The following SLC35F3 variants were observed in gnomAD, a reference collection of about 807,000 sequenced individuals.
SLC35F3 encodes the protein putative thiamine transporter SLC35F3.
A neutral mutation model predicts 49.9 loss-of-function variants in SLC35F3; 25 were observed. The ratio of observed to expected loss-of-function variants is 0.50; its 90% CI spans 0.37 to 0.70. The LOEUF is 0.70. Among genes scored for constraint, SLC35F3 ranks in the 30% least tolerant of loss-of-function variants. The probability of loss-of-function intolerance (pLI) is 0.00; values close to 1 mark genes in which losing one functional copy is unlikely to be tolerated. For missense variants in SLC35F3, 525 were observed against 639.8 expected, an observed-to-expected ratio of 0.82 and a Z score of 1.94; for synonymous variants, 275 against 265.4, an observed-to-expected ratio of 1.04 and a Z score of -0.35.
At position 234,317,584 on chromosome 1, in the gene SLC35F3, A is replaced by C. The variant is rs561026190; in HGVS notation, c.954+857A>C. 2.0e-5 allele frequency among the ~76,000 whole-genome samples: 3 copies of C among 152,246 alleles called. No individual in the cohort carries two copies. In the South Asian group the frequency reaches 6.2e-4, roughly 32 times the overall value. ...TACTGTAGAGAGTCAAAGAAAAGGCATTTTTTTCCCAGCTCTGTGAGTACC... is the reference window on the plus strand; with the variant it reads ...TACTGTAGAGAGTCAAAGAAAAGGCCTTTTTTTCCCAGCTCTGTGAGTACC... On this transcript the variant is annotated intron_variant, in intron 5 of 7. Transcript: ENST00000366618.
Position 234,193,927 on chromosome 1 carries a change from A to G in SLC35F3, c.284-37490A>G, listed in dbSNP as rs115045082. 3.7e-3 allele frequency among the ~76,000 whole-genome samples: 566 copies of G among 152,328 alleles called. 2 individuals carry two copies. The highest frequency in any genetic ancestry group is 0.013 in the African/African-American group (557 of 41,570). Reference sequence around the variant, plus strand: ...CTTACTCCTGCAAGAATAGCCATAAATCATAAAAGCAAAAAATAATAGATG... The same window carrying G: ...CTTACTCCTGCAAGAATAGCCATAAGTCATAAAAGCAAAAAATAATAGATG... On this transcript the variant is annotated intron_variant, in intron 2 of 7. Transcript: ENST00000366618.
intron 2 of SLC35F3, among the ~76,000 whole-genome samples, chr1:234,128,618 A>G (rs1398171752): frequency 2.6e-5 from 4 of 152,182 alleles, no homozygotes; most frequent in Non-Finnish European, 5.9e-5. Flanking sequence ...AGAGGGGATG[A>G]TAGTTTGAGA....
Position 234,082,077 on chromosome 1 carries a change from A to G in SLC35F3, c.284-149340A>G, listed in dbSNP as rs534704188. Among the ~76,000 whole-genome samples the G allele has an allele frequency of 3.3e-5, 5 of 151,874 alleles. No individual in the cohort carries two copies. In the East Asian group the frequency reaches 9.7e-4, roughly 29 times the overall value. ...GCCCAAATTGGCATCTTTTCTAGCA[A>G]TGCTTTCTGCACTTACTCACTGAGG... On this transcript the variant is annotated intron_variant, in intron 2 of 7. Coordinates refer to ENST00000366618, the MANE Select transcript of SLC35F3 (RefSeq NM_173508.4).
At chr1:233,936,213 G>T (rs76163418) in intron 2 of SLC35F3, among the ~76,000 whole-genome samples, 3,555 of 152,292 alleles carry the variant, frequency 0.023, 81 homozygotes, top group Non-Finnish European at 0.032. Flanking sequence ...CAGGGTTGCA[G>T]GTTAGCCTAG....
intron 2 of SLC35F3, among the ~76,000 whole-genome samples, chr1:234,007,547 C>G (rs1018594932): frequency 2.0e-5 from 3 of 152,152 alleles, no homozygotes; most frequent in Non-Finnish European, 4.4e-5. Flanking sequence ...TTATGCCGAA[C>G]GAAGTGGGGA....
chr1:234,120,968 CTT>C (rs1166607017), intron 2 of SLC35F3, among the ~76,000 whole-genome samples: 13 of 152,024 alleles, frequency 8.6e-5, no homozygotes, highest in Admixed American at 8.5e-4. Flanking sequence ...CATTTGGTCT[CTT>C]TTGGATTCAA....
At chr1:234,195,006 C>T (rs1666786734) in intron 2 of SLC35F3, among the ~76,000 whole-genome samples, 1 of 152,218 alleles carries the variant, frequency 6.6e-6, no homozygotes, top group African/African-American at 2.4e-5. Flanking sequence ...GGCAGCTTTA[C>T]TGTGGATACC....
intron 2 of SLC35F3, among the ~76,000 whole-genome samples, chr1:233,919,573 TGGG>T (rs1186008420): frequency 2.0e-5 from 3 of 152,060 alleles, no homozygotes; most frequent in Non-Finnish European, 2.9e-5. Context: ...TACCCAGGAG[TGGG>T]CAGGTAGCAT....
intron 3 of SLC35F3, among the ~76,000 whole-genome samples, chr1:234,235,906 C>T (rs1246567156): frequency 6.6e-6 from 1 of 152,152 alleles, no homozygotes; most frequent in African/African-American, 2.4e-5. Context: ...TAACATTTAT[C>T]GGCCATTTAA....
At chr1:233,998,000 C>T (rs1049044081) in intron 2 of SLC35F3, among the ~76,000 whole-genome samples, 1 of 152,164 alleles carries the variant, frequency 6.6e-6, no homozygotes, top group Non-Finnish European at 1.5e-5. Flanking sequence ...GATCCACCCA[C>T]CTCGGCCTCC....
intron 2 of SLC35F3, among the ~76,000 whole-genome samples, chr1:234,218,981 G>A (rs774128506): frequency 5.0e-4 from 71 of 141,788 alleles, no homozygotes; most frequent in Admixed American, 1.5e-3. Flanking sequence ...CCCAGGAGGC[G>A]GAAGTTGCAG....
intron 2 of SLC35F3, among the ~76,000 whole-genome samples, chr1:233,996,946 A>G (rs9435536): frequency 0.29 from 43,579 of 151,874 alleles, 6,530 homozygotes; most frequent in East Asian, 0.49. Flanking sequence ...TGTAACCACC[A>G]TTTTATATTT....
At chr1:233,922,513 ATTTG>A (rs1209142394) in intron 2 of SLC35F3, among the ~76,000 whole-genome samples, 1 of 95,758 alleles carries the variant, frequency 1.0e-5, no homozygotes, top group Non-Finnish European at 2.2e-5. Context: ...TTTCTTGTAA[ATTTG>A]TTTAAGTCCT....
At chr1:234,303,884 T>G (rs1259497286) in intron 3 of SLC35F3, among the ~76,000 whole-genome samples, 4 of 152,332 alleles carry the variant, frequency 2.6e-5, no homozygotes, top group African/African-American at 9.6e-5. Flanking sequence ...CTTTCAGTTC[T>G]GAGAAACTGT....
chr1:233,950,483 TCCTTTCTC>T (rs2102804648), intron 2 of SLC35F3, among the ~76,000 whole-genome samples: 1 of 135,654 alleles, frequency 7.4e-6, no homozygotes, highest in African/African-American at 2.6e-5. Flanking sequence ...CTTCCTTCCT[TCCTTTCTC>T]CCTCCCCACT....
Position 234,255,833 on chromosome 1 carries a change from T to C in SLC35F3, c.608+24092T>C, listed in dbSNP as rs1667813995. On this transcript the variant is annotated intron_variant, in intron 3 of 7. Transcript: ENST00000366618. ...CACTTAGAGCAGTGAAATAATTCTG[T>C]ATGATACTGTAATGGTAGATACATA... Among the ~76,000 whole-genome samples the C allele has an allele frequency of 3.9e-5, 6 of 152,332 alleles. No individual in the cohort carries two copies. In the South Asian group the frequency reaches 1.2e-3, roughly 32 times the overall value.
At chr1:234,083,064 G>C (rs561894085) in intron 2 of SLC35F3, among the ~76,000 whole-genome samples, 17 of 152,298 alleles carry the variant, frequency 1.1e-4, no homozygotes, top group Admixed American at 9.8e-4. Flanking sequence ...GAGAATAAGA[G>C]AGAGAAGGCA....
At chr1:234,136,766 G>A (rs1236694392) in intron 2 of SLC35F3, among the ~76,000 whole-genome samples, 1 of 152,208 alleles carries the variant, frequency 6.6e-6, no homozygotes, top group Non-Finnish European at 1.5e-5. Flanking sequence ...GTGCCTATGT[G>A]CAGATGCAGG....
intron 2 of SLC35F3, among the ~76,000 whole-genome samples, chr1:234,220,846 G>T (rs1252691541): frequency 6.6e-6 from 1 of 152,158 alleles, no homozygotes; most frequent in African/African-American, 2.4e-5. Context: ...AGAGATGGGG[G>T]AGTCACGTTT....
Sources: allele counts gnomAD v4.1 joint callset (sites outside exome capture counted in the v4.1 genomes callset), GRCh38; gene constraint gnomAD v4.1.1; transcripts MANE v1.5; gene names NCBI Gene and HGNC (gene_info 2026-07-23, HGNC 2026-07-21).